The following GON4L variants were observed in gnomAD, a reference collection of about 807,000 sequenced individuals.
GON4L encodes gon-4 like.
In GON4L, 87 loss-of-function variants were observed where a neutral mutation model predicts 211.8. The ratio of observed to expected loss-of-function variants is 0.41; its 90% CI spans 0.35 to 0.49. The LOEUF (loss-of-function observed/expected upper bound fraction) is 0.49, where lower values mean the gene tolerates loss of function less well. Ranked by LOEUF, GON4L falls within the 20% of genes least tolerant of loss-of-function variation. GON4L has a pLI of 0.15. For missense variants in GON4L, 2,155 were observed against 2,659.5 expected, an observed-to-expected ratio of 0.81 and a Z score of 4.17; for synonymous variants, 875 against 962.6, an observed-to-expected ratio of 0.91 and a Z score of 1.68.
upstream of GON4L, among the ~76,000 whole-genome samples, chr1:155,858,252 G>A (rs1289237256): frequency 1.3e-5 from 2 of 151,874 alleles, no homozygotes; most frequent in Non-Finnish European, 2.9e-5. Flanking sequence ...TGGAATCCAC[G>A]GAGATTAAAA....
chr1:155,752,048 C>T lies in GON4L; in HGVS notation c.6385G>A (p.Glu2129Lys), dbSNP rs766678016. 44 of 1,613,722 alleles carry T rather than the reference C, an allele frequency of 2.7e-5. No individual in the cohort carries two copies. The highest frequency in any genetic ancestry group is 3.5e-5 in the Non-Finnish European group (41 of 1,179,664). The change falls in exon 30 of 32, where the codon GAG (glutamate) becomes AAG (lysine). Residue 2129 changes from glutamate to lysine, a missense_variant. This residue lies in a region of GON4L where 186 missense variants were observed against 308.1 expected (regional missense o/e 0.60). Coordinates refer to ENST00000368331, the MANE Select transcript of GON4L (RefSeq NM_001282860.2). Reference protein sequence around the residue: ...SGTQAKGPEGEQQPKAAEATV... With the variant: ...SGTQAKGPEGKQQPKAAEATV... ...GCTTCTGCGGCCTTTGGCTGCTGCT[C>T]CCCCTCTGGACCCTTGGCCTGTGTT...
chr1:155,748,484 G>C (rs1443037075), downstream of GON4L: 23 of 1,612,962 alleles, frequency 1.4e-5, no homozygotes, highest in East Asian at 4.9e-4. Flanking sequence ...TTCCTCTCCA[G>C]TTTCCATGGT....
intron 10 of GON4L, among the ~76,000 whole-genome samples, chr1:155,807,426 G>C (rs1302033352): frequency 6.6e-6 from 1 of 151,832 alleles, no homozygotes; most frequent in Admixed American, 6.6e-5. Flanking sequence ...AAAAAAATGA[G>C]GCTGGGTGCA....
chr1:155,818,275 C>G (rs1396758355), intron 6 of GON4L, among the ~76,000 whole-genome samples: 1 of 152,052 alleles, frequency 6.6e-6, no homozygotes, highest in Non-Finnish European at 1.5e-5. Flanking sequence ...ACACGCCCAG[C>G]TAACTGTTGT....
intron 4 of GON4L, 132 bp from the exon 5 acceptor site, chr1:155,821,680 G>A (rs1021791913): frequency 3.0e-6 from 2 of 676,372 alleles, no homozygotes; most frequent in African/African-American, 1.8e-5. Flanking sequence ...TCAGACTGGG[G>A]TAAAGCAAGG....
rs369298519 is a variant in GON4L, at chr1:155,757,033, C to A, written c.5442G>T (p.Glu1814Asp). ...EEVALPDVEE[E>D]EEPPKIPTAS... ...CTGTGGGTATCTTGGGAGGCTCCTCCTCTTCTTCCACATCAGGCAGGGCCA... is the reference window on the plus strand; with the variant it reads ...CTGTGGGTATCTTGGGAGGCTCCTCATCTTCTTCCACATCAGGCAGGGCCA... Residue 1814 changes from glutamate to aspartate, a missense_variant, in exon 27 of 32, where the codon GAG (glutamate) becomes GAT (aspartate). This residue lies in a region of GON4L where 455 missense variants were observed against 504.6 expected (regional missense o/e 0.90). Transcript: ENST00000368331. 37 of 1,613,788 alleles carry A rather than the reference C, an allele frequency of 2.3e-5. No individual in the cohort carries two copies. In the African/African-American group the frequency reaches 4.8e-4, roughly 21 times the overall value.
At chr1:155,798,675 T>G (rs967300603) in intron 11 of GON4L, among the ~76,000 whole-genome samples, 26 of 141,516 alleles carry the variant, frequency 1.8e-4, no homozygotes, top group African/African-American at 5.7e-4. Flanking sequence ...TGCCTCAGCC[T>G]CCCAAAGCGC....
At chr1:155,821,041 C>T (rs548868943) in intron 5 of GON4L, among the ~76,000 whole-genome samples, 103 of 151,950 alleles carry the variant, frequency 6.8e-4, no homozygotes, top group Non-Finnish European at 1.2e-3. Flanking sequence ...CCGAGGCGGG[C>T]GGATCACAAG....
chr1:155,834,613 C>T (rs975938192), intron 2 of GON4L, among the ~76,000 whole-genome samples: 1 of 152,144 alleles, frequency 6.6e-6, no homozygotes, highest in African/African-American at 2.4e-5. Flanking sequence ...AGAAACTGGC[C>T]AAAACCAGCT....
chr1:155,753,369 C>T lies in GON4L; in HGVS notation c.5677G>A (p.Val1893Met). The change falls in exon 29 of 32, where the codon GTG (valine) becomes ATG (methionine). Residue 1893 changes from valine to methionine, a missense_variant. Around this residue, in one of 6 missense-constraint regions of GON4L, gnomAD observed 455 missense variants for 504.6 expected, o/e 0.90. Coordinates refer to ENST00000368331, the MANE Select transcript of GON4L (RefSeq NM_001282860.2). ...SYKSKEPHEL[V>M]GSSPHREASP... ...GCCTCTCGGTGGGGGCTGCTGCCCA[C>T]CAACTCATGGGGCTCCTTGCTCTTG... The T allele has an allele frequency of 6.2e-7, 1 of 1,612,232 alleles. No homozygotes were observed. Among genetic ancestry groups the T allele is most frequent in the Non-Finnish European group, 8.5e-7 (1 of 1,179,300 alleles).
chr1:155,815,778 A>T, intron 8 of GON4L, 27 bp downstream of exon 8: 1 of 1,255,210 alleles, frequency 8.0e-7, no homozygotes, highest in Non-Finnish European at 1.1e-6. Context: ...CTATTAAGAC[A>T]AATATTACCA....
intron 2 of GON4L, among the ~76,000 whole-genome samples, chr1:155,828,159 C>CACACAA (rs1669393200): frequency 6.6e-6 from 1 of 151,126 alleles, no homozygotes; most frequent in South Asian, 2.1e-4. Flanking sequence ...CACTGTCACA[C>CACACAA]ACACACACAC....
Position 155,766,210 on chromosome 1 carries a change from G to A in GON4L, c.3263C>T (p.Ser1088Phe), listed in dbSNP as rs758314658. The A allele has an allele frequency of 6.2e-7, 1 of 1,614,144 alleles. No homozygotes were observed. The highest frequency in any genetic ancestry group is 1.1e-5 in the South Asian group (1 of 91,078). Reference protein sequence around the residue: ...EARTSFPLSESQTLLSSAPVP... With the variant: ...EARTSFPLSEFQTLLSSAPVP... ...AGGGGCAGAAGAGAGCAAAGTCTGG[G>A]ACTCAGACAGAGGGAAGCTTGTCCT... The change falls in exon 21 of 32, where the codon TCC (serine) becomes TTC (phenylalanine). Residue 1088 changes from serine (S) to phenylalanine (F), a missense_variant. By Grantham distance (155) the Ser-to-Phe change is radical (BLOSUM62 -2). This residue lies in a region of GON4L where 615 missense variants were observed against 625.7 expected (regional missense o/e 0.98). Coordinates refer to ENST00000368331, the MANE Select transcript of GON4L (RefSeq NM_001282860.2).
intron 14 of GON4L, among the ~76,000 whole-genome samples, chr1:155,779,089 C>T (rs1192440048): frequency 2.0e-5 from 3 of 151,424 alleles, no homozygotes; most frequent in African/African-American, 4.8e-5. Context: ...CCCGTCTCTA[C>T]TGAAAATACA....
At chr1:155,790,997 C>T (rs1389275748) in intron 12 of GON4L, among the ~76,000 whole-genome samples, 4 of 150,818 alleles carry the variant, frequency 2.7e-5, no homozygotes, top group African/African-American at 9.7e-5. Context: ...CGCAGTGGCT[C>T]GCGCTTGTAA....
intron 12 of GON4L, among the ~76,000 whole-genome samples, chr1:155,786,251 CAGG>C (rs759334910): frequency 1.3e-5 from 2 of 152,042 alleles, no homozygotes; most frequent in Non-Finnish European, 2.9e-5. Flanking sequence ...AGGAAGAAGA[CAGG>C]AGAAAATGTG....
chr1:155,810,830 C>A (rs1190189840), intron 10 of GON4L, among the ~76,000 whole-genome samples: 1 of 151,678 alleles, frequency 6.6e-6, no homozygotes, highest in Non-Finnish European at 1.5e-5. Context: ...GCCTGGCCAA[C>A]AATAAAACCC....
chr1:155,818,826 C>T (rs1398711018), intron 6 of GON4L, among the ~76,000 whole-genome samples: 1 of 151,838 alleles, frequency 6.6e-6, no homozygotes, highest in Non-Finnish European at 1.5e-5. Context: ...GGTGAAACCC[C>T]ATCTCTACTA....
intron 2 of GON4L, among the ~76,000 whole-genome samples, chr1:155,849,677 G>A (rs1454259665): frequency 7.3e-5 from 11 of 150,390 alleles, no homozygotes; most frequent in Admixed American, 2.0e-4. Context: ...GGGAGGCTAC[G>A]GCAGGAGAAT....
Sources: gnomAD v4.1 joint callset for allele counts (sites outside exome capture counted in the v4.1 genomes callset) on GRCh38, gnomAD v4.1.1 for gene constraint, gnomAD v4.1.1 regional missense constraint, MANE v1.5 for transcripts, NCBI Gene and HGNC (gene_info 2026-07-23, HGNC 2026-07-21) for gene names.